The following ACYP2 variants were observed in gnomAD, a reference collection of about 807,000 sequenced individuals.
ACYP2 encodes the protein acylphosphatase-2.
In ACYP2, 12 loss-of-function variants were observed where a neutral mutation model predicts 11.2. The ratio of observed to expected loss-of-function variants is 1.08; its 90% confidence interval spans 0.69 to 1.74. The LOEUF (loss-of-function observed/expected upper bound fraction) is 1.74, where lower values mean the gene tolerates loss of function less well. ACYP2 is among the 40% of genes most tolerant of loss of function. The pLI is 0.00. For missense variants in ACYP2, 134 were observed against 101.9 expected (o/e 1.31, Z -1.35); for synonymous variants, 43 against 32.2 (o/e 1.33, Z -1.13).
chr2:54,083,317 T>C (rs1348625804), intron 4 of ACYP2, among the ~76,000 whole-genome samples: 1 of 152,188 alleles, frequency 6.6e-6, no homozygotes, highest in Non-Finnish European at 1.5e-5. Flanking sequence ...ACCACAGCAA[T>C]GGCAAGCCAT....
At chr2:54,027,823 T>TA in intron 2 of ACYP2, among the ~76,000 whole-genome samples, 1 of 135,738 alleles carries the variant, frequency 7.4e-6, no homozygotes, top group African/African-American at 2.9e-5. Context: ...GTCATCATGT[T>TA]TCTTTCTTTC....
intron 6 of ACYP2, among the ~76,000 whole-genome samples, chr2:54,289,565 A>G (rs1188339709): frequency 2.0e-5 from 3 of 152,048 alleles, no homozygotes; most frequent in Non-Finnish European, 2.9e-5. Context: ...GAGTACAAAA[A>G]GGAAAACGTT....
chr2:54,048,579 T>C (rs1675652819), intron 2 of ACYP2, among the ~76,000 whole-genome samples: 1 of 152,198 alleles, frequency 6.6e-6, no homozygotes, highest in African/African-American at 2.4e-5. Context: ...TAGCTCACTC[T>C]AGTGTTGAAC....
At chr2:54,089,017 G>C (rs978764724) in intron 4 of ACYP2, among the ~76,000 whole-genome samples, 1 of 152,216 alleles carries the variant, frequency 6.6e-6, no homozygotes, top group Non-Finnish European at 1.5e-5. Flanking sequence ...TAGTAGGAAA[G>C]ATCAATAAAG....
chr2:54,123,992 G>T (rs766078142), intron 4 of ACYP2, among the ~76,000 whole-genome samples: 1 of 152,144 alleles, frequency 6.6e-6, no homozygotes, highest in South Asian at 2.1e-4. Flanking sequence ...TGGATTTGGG[G>T]TATGCAACTA....
intron 6 of ACYP2, among the ~76,000 whole-genome samples, chr2:54,153,606 C>CTT (rs763209155): frequency 3.5e-5 from 4 of 115,704 alleles, no homozygotes; most frequent in South Asian, 2.8e-4. Context: ...TTTTTTTTTT[C>CTT]TTTTTTTTTT....
chr2:54,033,184 C>T (rs1013170560), intron 2 of ACYP2, among the ~76,000 whole-genome samples: 3 of 145,830 alleles, frequency 2.1e-5, no homozygotes, highest in Non-Finnish European at 3.0e-5. Flanking sequence ...GCCCCTCAGT[C>T]GTGCCTGTGG....
chr2:54,112,507 A>G (rs1415842672), intron 4 of ACYP2, among the ~76,000 whole-genome samples: 1 of 152,212 alleles, frequency 6.6e-6, no homozygotes, highest in Non-Finnish European at 1.5e-5. Context: ...AACTTCAATT[A>G]AAAATATGTG....
At chr2:54,201,606 T>TTTC (rs1684783264) in intron 6 of ACYP2, among the ~76,000 whole-genome samples, 1 of 86,076 alleles carries the variant, frequency 1.2e-5, no homozygotes, top group Non-Finnish European at 2.3e-5. Flanking sequence ...CTTTCTTTCT[T>TTTC]TCTTTCTTTC....
chr2:54,266,590 CTTTTTTTTTTTTTT>C (rs138812389), intron 6 of ACYP2, among the ~76,000 whole-genome samples: 77 of 52,272 alleles, frequency 1.5e-3, no homozygotes, highest in Non-Finnish European at 2.2e-3. Flanking sequence ...ATCTATCTAT[CTTTTTTTTTTTTTT>C]TTTTTTTTTT....
At chr2:54,002,433 C>A (rs979362580) in intron 2 of ACYP2, among the ~76,000 whole-genome samples, 12 of 151,430 alleles carry the variant, frequency 7.9e-5, no homozygotes, top group Admixed American at 2.6e-4. Context: ...GCAACCTCCA[C>A]TTCTTGGGTT....
At chr2:54,099,465 A>G (rs1304358111) in intron 4 of ACYP2, among the ~76,000 whole-genome samples, 1 of 152,006 alleles carries the variant, frequency 6.6e-6, no homozygotes, top group African/African-American at 2.4e-5. Flanking sequence ...CCTGGTCCCC[A>G]CCATTCTACT....
chr2:54,197,942 A>ACTGTATTGTATTG (rs1684571201), intron 6 of ACYP2, among the ~76,000 whole-genome samples: 3 of 69,514 alleles, frequency 4.3e-5, no homozygotes, highest in Non-Finnish European at 9.8e-5. Context: ...TGTATGTATT[A>ACTGTATTGTATTG]TATTGTATTG....
intron 2 of ACYP2, among the ~76,000 whole-genome samples, chr2:54,008,488 G>A (rs1007833169): frequency 1.3e-5 from 2 of 152,104 alleles, no homozygotes; most frequent in East Asian, 1.9e-4. Flanking sequence ...GAAAATGTTG[G>A]TTTATTCTAC....
At chr2:53,975,271 C>G (rs548178956) in intron 2 of ACYP2, 2 of 398,172 alleles carry the variant, frequency 5.0e-6, no homozygotes, top group African/African-American at 4.1e-5. Flanking sequence ...TGACAATGAG[C>G]TCCCTAGAAA....
At chr2:54,184,882 T>C (rs976104893) in intron 6 of ACYP2, among the ~76,000 whole-genome samples, 9 of 151,480 alleles carry the variant, frequency 5.9e-5, no homozygotes, top group Non-Finnish European at 1.0e-4. Context: ...AGTTTCACTC[T>C]GTCACCCAGG....
At chr2:54,147,390 A>G (rs1359290804) in intron 6 of ACYP2, among the ~76,000 whole-genome samples, 4 of 152,142 alleles carry the variant, frequency 2.6e-5, no homozygotes, top group Non-Finnish European at 5.9e-5. Context: ...TGTCTTCTGC[A>G]GTGGTGTCTC....
intron 4 of ACYP2, among the ~76,000 whole-genome samples, chr2:54,073,162 G>T (rs1174807025): frequency 6.6e-6 from 1 of 152,116 alleles, no homozygotes; most frequent in Non-Finnish European, 1.5e-5. Flanking sequence ...CAGCAAAATG[G>T]TGCTGGGACA....
intron 4 of ACYP2, among the ~76,000 whole-genome samples, chr2:54,075,893 A>G (rs991788785): frequency 2.6e-5 from 4 of 152,312 alleles, no homozygotes; most frequent in Admixed American, 2.0e-4. Flanking sequence ...TTACATAACT[A>G]AAGGTTATAA....
Sources: allele counts gnomAD v4.1 joint callset (sites outside exome capture counted in the v4.1 genomes callset), GRCh38; gene constraint gnomAD v4.1.1; transcripts MANE v1.5; gene names NCBI Gene and HGNC (gene_info 2026-07-23, HGNC 2026-07-21).